PTK2: variants seen among roughly 807,000 people sequenced by gnomAD.
The protein encoded by PTK2 is protein tyrosine kinase 2.
Under a neutral mutation model 150.1 loss-of-function variants are expected in PTK2, and 45 were observed. The ratio of observed to expected loss-of-function variants is 0.30; its 90% CI spans 0.24 to 0.38. The LOEUF (loss-of-function observed/expected upper bound fraction) is 0.38. Among genes scored for constraint, PTK2 ranks in the 10% least tolerant of loss-of-function variants. The pLI is 1.00. For missense variants in PTK2, 919 were observed against 1,307.3 expected, an observed-to-expected ratio of 0.70 and a Z score of 4.58; for synonymous variants, 432 against 449.2, an observed-to-expected ratio of 0.96 and a Z score of 0.48.
intron 1 of PTK2, among the ~76,000 whole-genome samples, chr8:140,966,236 G>A (rs1260556065): frequency 1.3e-5 from 2 of 152,130 alleles, no homozygotes; most frequent in African/African-American, 4.8e-5. Context: ...CATCTAGAGC[G>A]CATGATTATC....
chr8:140,915,037 A>AAG (rs2100164709), intron 2 of PTK2, among the ~76,000 whole-genome samples: 1 of 150,364 alleles, frequency 6.7e-6, no homozygotes, highest in African/African-American at 2.4e-5. Context: ...CCAACTCAAA[A>AAG]AAAAAAAAAA....
chr8:140,787,648 G>A (rs557172438), intron 14 of PTK2, among the ~76,000 whole-genome samples: 1 of 152,272 alleles, frequency 6.6e-6, no homozygotes, highest in Non-Finnish European at 1.5e-5. Flanking sequence ...AGGCACTGCT[G>A]GGGCCTATTT....
At chr8:140,766,056 T>C (rs896859649) in intron 14 of PTK2, among the ~76,000 whole-genome samples, 3 of 152,158 alleles carry the variant, frequency 2.0e-5, no homozygotes, top group African/African-American at 4.8e-5. Context: ...AGCACATGAA[T>C]TGGCCCTGCT....
At chr8:140,796,349 G>C (rs1169809282) in intron 12 of PTK2, among the ~76,000 whole-genome samples, 1 of 152,104 alleles carries the variant, frequency 6.6e-6, no homozygotes, top group Non-Finnish European at 1.5e-5. Flanking sequence ...ACACCAGGAA[G>C]ACCAAATTTA....
intron 3 of PTK2, among the ~76,000 whole-genome samples, chr8:140,886,964 T>C (rs978556486): frequency 6.6e-6 from 1 of 152,162 alleles, no homozygotes; most frequent in African/African-American, 2.4e-5. Context: ...ACAGCCTGGG[T>C]TTCTCTTGGC....
At chr8:140,783,257 T>G (rs983134884) in intron 14 of PTK2, among the ~76,000 whole-genome samples, 1 of 151,916 alleles carries the variant, frequency 6.6e-6, no homozygotes, top group African/African-American at 2.4e-5. Flanking sequence ...AAGAAAGAAA[T>G]GAGTCAATAT....
At chr8:140,706,418 TCCTC>T (rs1471794153) in intron 23 of PTK2, among the ~76,000 whole-genome samples, 1 of 152,216 alleles carries the variant, frequency 6.6e-6, no homozygotes, top group Non-Finnish European at 1.5e-5. Flanking sequence ...TCTGACCTCT[TCCTC>T]CCACATGCAC....
chr8:140,706,543 T>C lies in PTK2; in HGVS notation c.2143-338A>G, dbSNP rs1043481806. On this transcript the variant is annotated intron_variant, in intron 23 of 31. Transcript: ENST00000522684. ...ATCTTGGGCAGGGCATGGTAGCTCA[T>C]GCCTGTAATCCCAGCACTTTGGGAG... 2.0e-5 allele frequency among the ~76,000 whole-genome samples: 3 copies of C among 152,310 alleles called. No individual in the cohort carries two copies. The East Asian group carries it at 5.8e-4, about 29-fold the overall frequency.
intron 22 of PTK2, among the ~76,000 whole-genome samples, chr8:140,723,295 T>A (rs1025801347): frequency 4.6e-5 from 7 of 152,228 alleles, no homozygotes; most frequent in African/African-American, 1.7e-4. Flanking sequence ...ATCCGAGTTG[T>A]TCCTCAAAGA....
chr8:140,747,112 G>A (rs573905988), intron 17 of PTK2: 13 of 336,048 alleles, frequency 3.9e-5, no homozygotes, highest in Non-Finnish European at 5.0e-5. Flanking sequence ...GGATGGTCTC[G>A]ATCTCTTGAC....
chr8:140,737,708 A>G lies in PTK2; in HGVS notation c.1825+1310T>C, dbSNP rs115098974. ...CAACTACATTAAAATAATGCTTCCA[A>G]TTATTACCAACTGTAAAATGCCACT... On this transcript the variant is annotated intron_variant, in intron 21 of 31. Transcript: ENST00000522684. 4.3e-3 allele frequency among the ~76,000 whole-genome samples: 658 copies of G among 152,340 alleles called. 4 individuals are homozygous for G. The highest frequency in any genetic ancestry group is 0.015 in the African/African-American group (627 of 41,574).
chr8:140,664,899 G>C lies in PTK2; in HGVS notation c.2946+18C>G. The C allele has an allele frequency of 6.2e-7, 1 of 1,610,502 alleles. No individual in the cohort carries two copies. On this transcript the variant is annotated intron_variant, in intron 31 of 31. Coordinates refer to ENST00000522684, the Ensembl canonical transcript of PTK2. ...CAGTGCTGTCACAGAGGGCTGCAAG[G>C]GGAAGATTGTGCCCTACCTCTCGGT...
At chr8:140,992,919 AGG>A (rs1436080493) in intron 1 of PTK2, among the ~76,000 whole-genome samples, 2 of 152,232 alleles carry the variant, frequency 1.3e-5, no homozygotes, top group East Asian at 3.8e-4. Flanking sequence ...TAAATGGTTT[AGG>A]GGCATAATGT....
At chr8:140,900,253 A>G (rs1029825972) in intron 2 of PTK2, among the ~76,000 whole-genome samples, 3 of 152,220 alleles carry the variant, frequency 2.0e-5, no homozygotes, top group Non-Finnish European at 2.9e-5. Context: ...GGATGCAAAA[A>G]CCAACATATG....
chr8:140,700,299 T>C (rs992395412), intron 26 of PTK2, among the ~76,000 whole-genome samples: 5 of 152,066 alleles, frequency 3.3e-5, no homozygotes, highest in African/African-American at 9.7e-5. Flanking sequence ...TCTCAAATAT[T>C]TGGGACTACA....
intron 2 of PTK2, among the ~76,000 whole-genome samples, chr8:140,918,128 A>G (rs1349137725): frequency 6.6e-6 from 1 of 152,202 alleles, no homozygotes; most frequent in Non-Finnish European, 1.5e-5. Context: ...GGAGTTGGCT[A>G]GTCAGAGAAT....
chr8:140,734,725 C>T (rs761076944), intron 22 of PTK2: 17 of 517,832 alleles, frequency 3.3e-5, no homozygotes, highest in South Asian at 2.4e-4. Flanking sequence ...GTAATTCTCT[C>T]TTTCGGGGCA....
At chr8:140,809,878 C>A (rs151283608) in intron 10 of PTK2, among the ~76,000 whole-genome samples, 1 of 152,178 alleles carries the variant, frequency 6.6e-6, no homozygotes, top group Admixed American at 6.5e-5. Flanking sequence ...CATGTTGTTA[C>A]GTAGATCAGT....
At chr8:140,905,727 T>A (rs2100160616) in intron 2 of PTK2, among the ~76,000 whole-genome samples, 1 of 152,178 alleles carries the variant, frequency 6.6e-6, no homozygotes, top group Admixed American at 6.5e-5. Context: ...TATACATTCT[T>A]CTCAGCACAT....
Sources: gnomAD v4.1 joint callset for allele counts (sites outside exome capture counted in the v4.1 genomes callset) on GRCh38, gnomAD v4.1.1 for gene constraint, MANE v1.5 for transcripts, NCBI Gene and HGNC (gene_info 2026-07-23, HGNC 2026-07-21) for gene names.